The following PLA2G2F variants were observed in gnomAD, a reference collection of about 807,000 sequenced individuals.
The protein encoded by PLA2G2F is group IIF secretory phospholipase A2.
Under a neutral mutation model 15.9 loss-of-function variants are expected in PLA2G2F, and 17 were observed. The observed-to-expected ratio is 1.07, with a 90% CI of 0.73 to 1.60. The LOEUF (loss-of-function observed/expected upper bound fraction) is 1.60. PLA2G2F is among the 40% of genes most tolerant of loss of function. PLA2G2F has a pLI of 0.00. For synonymous variants in PLA2G2F, 119 were observed against 106.5 expected, an observed-to-expected ratio of 1.12 and a Z score of -0.72; for missense variants, 299 against 278.2, an observed-to-expected ratio of 1.07 and a Z score of -0.53.
At chr1:20,148,094 G>A in intron 4 of PLA2G2F, 96 bp from the exon 5 acceptor site, 2 of 1,021,504 alleles carry the variant, frequency 2.0e-6, no homozygotes, top group Non-Finnish European at 3.1e-6. Flanking sequence ...GGACCACTGG[G>A]CTCTCCAAGT....
chr1:20,145,411 AGCTGGGACTACAGGT>A (rs1314806771), intron 4 of PLA2G2F, among the ~76,000 whole-genome samples: 1 of 151,548 alleles, frequency 6.6e-6, no homozygotes, highest in Non-Finnish European at 1.5e-5. Flanking sequence ...CCTCCCAAGT[AGCTGGGACTACAGGT>A]GCATGCCACC....
chr1:20,147,140 T>C (rs142094121), intron 4 of PLA2G2F, among the ~76,000 whole-genome samples: 1 of 152,254 alleles, frequency 6.6e-6, no homozygotes, highest in African/African-American at 2.4e-5. Flanking sequence ...TCTCAAAGGG[T>C]AGCCCCTGAA....
rs2017661948 is a variant in PLA2G2F at position 20,148,497 on chromosome 1, GT to G, written c.*98del. Reference sequence around the variant, plus strand: ...TAGGAGCCAGGCCAGGAGCCTGAGGGTTGCTGGTTGCCTCCTCCCTGGAGCT... The same window carrying G: ...TAGGAGCCAGGCCAGGAGCCTGAGGGTGCTGGTTGCCTCCTCCCTGGAGCT... On this transcript the variant is annotated 3_prime_UTR_variant, in exon 5 of 5. Coordinates refer to ENST00000375102, the MANE Select transcript of PLA2G2F (RefSeq NM_022819.4). 1.9e-6 allele frequency: 2 copies of G among 1,029,208 alleles called. No homozygotes were observed. Among genetic ancestry groups the G allele is most frequent in the Non-Finnish European group, 1.4e-6 (1 of 696,324 alleles). The allele number at this position is 1,029,208 out of a possible 1,614,324, so 63.8% of individuals were successfully genotyped here.
chr1:20,139,427 C>T lies in PLA2G2F; in HGVS notation c.-1C>T, dbSNP rs1378339405. On this transcript the variant is annotated 5_prime_UTR_variant, in exon 1 of 5. Coordinates refer to ENST00000375102, the MANE Select transcript of PLA2G2F (RefSeq NM_022819.4). ...GTTGCTGGCCCCCCAGAACCCGCAA[C>T]ATGGCAGATGGGGCAAAGGCCAACC... The T allele has an allele frequency of 3.2e-6, 5 of 1,556,010 alleles. No homozygotes were observed. The South Asian group carries it at 5.9e-5, about 18-fold the overall frequency.
chr1:20,140,124 T>C, intron 1 of PLA2G2F, 42 bp from the exon 2 acceptor site: 2 of 1,605,760 alleles, frequency 1.2e-6, no homozygotes, highest in Non-Finnish European at 1.7e-6. Context: ...CTGCCAAGGG[T>C]GGAGGGGATG....
rs1282804958 is a variant in PLA2G2F, at chr1:20,143,572, C to G, written c.296C>G (p.Pro99Arg). 6.2e-7 allele frequency: 1 copy of G among 1,613,834 alleles called. No individual in the cohort carries two copies. Among genetic ancestry groups the G allele is most frequent in the Non-Finnish European group, 8.5e-7 (1 of 1,179,894 alleles). Reference protein sequence around the residue: ...CYCGLGGRGQPKDEVDWCCHA... With the variant: ...CYCGLGGRGQRKDEVDWCCHA... ...TGTGGGCTGGGGGGCCGTGGCCAGC[C>G]CAAGGATGAGGTGGACTGGTAGGTA... Residue 99 changes from proline to arginine, a missense_variant, in exon 3 of 5, where the codon CCC becomes CGC. By Grantham distance (103) the Pro-to-Arg change is moderately radical (BLOSUM62 -2). Coordinates refer to ENST00000375102, the MANE Select transcript of PLA2G2F (RefSeq NM_022819.4).
intron 2 of PLA2G2F, chr1:20,141,466 TAAAGG>T (rs1285294081): frequency 6.6e-6 from 1 of 152,530 alleles, no homozygotes; most frequent in African/African-American, 2.4e-5. Flanking sequence ...ATGTGGTGTG[TAAAGG>T]AGAGTGTGAG....
rs749318154 is a variant in PLA2G2F, at chr1:20,144,664, C to T, written c.399C>T (p.Ile133=). Residue 133 remains isoleucine (I), a synonymous_variant, in exon 4 of 5, where the codon ATC becomes ATT. Transcript: ENST00000375102. ...HPYVDHYDHT[I]ENNTEIVCSD... ...ATGTGGACCACTATGATCACACCAT[C>T]GAGAACAACACTGAGATAGTCTGCA... is the stretch of plus-strand genomic sequence containing the variant. The T allele has an allele frequency of 3.7e-6, 6 of 1,609,538 alleles. No individual in the cohort carries two copies. The South Asian group carries it at 4.4e-5, about 12-fold the overall frequency.
Position 20,150,007 on chromosome 1 carries a change from G to A in PLA2G2F, c.*1606G>A, listed in dbSNP as rs948314489. On this transcript the variant is annotated 3_prime_UTR_variant, in exon 5 of 5. Coordinates refer to ENST00000375102, the MANE Select transcript of PLA2G2F (RefSeq NM_022819.4). ...AGAAGGAGGCAGAAGGGACATGTAT[G>A]AAAAAAGGACAGGAAACCTGACCAG... The A allele has an allele frequency of 1.2e-4, 18 of 150,832 alleles. No homozygotes were observed. The highest frequency in any genetic ancestry group is 4.0e-4 in the African/African-American group (16 of 40,270). 9.3% of individuals were successfully genotyped at this position (150,832 alleles called of 1,614,324 possible). A position where few individuals can be genotyped will look rare whatever the true frequency, so the allele number is the denominator to read the frequency against.
chr1:20,143,492 G>A lies in PLA2G2F; in HGVS notation c.216G>A (p.Val72=). 6.2e-7 allele frequency: 1 copy of A among 1,614,076 alleles called. No homozygotes were observed. Among genetic ancestry groups the A allele is most frequent in the Non-Finnish European group, 8.5e-7 (1 of 1,179,974 alleles). The change falls in exon 3 of 5, where the codon GTG becomes GTA. Residue 72 remains valine, a synonymous_variant. Transcript: ENST00000375102. ...HGSLLNLKAM[V]EAVTGRSAIL... is the part of the protein sequence containing the mutation. ...GCCTGCTCAACCTGAAGGCCATGGT[G>A]GAGGCCGTCACAGGGAGGAGCGCCA...
intron 1 of PLA2G2F, among the ~76,000 whole-genome samples, 187 bp from the exon 2 acceptor site, chr1:20,139,979 G>T (rs935071007): frequency 3.3e-5 from 5 of 152,194 alleles, no homozygotes; most frequent in East Asian, 3.9e-4. Context: ...TCCTGGCTCT[G>T]CCATCTGGGG....
In PLA2G2F at chr1:20,148,687, G is replaced by A; in HGVS notation, c.*286G>A. 2.2e-6 allele frequency: 1 copy of A among 457,530 alleles called. No individual in the cohort carries two copies. The allele number at this position is 457,530 out of a possible 1,614,324, so 28.3% of individuals were successfully genotyped here. ...AGGGTGGCCGGGGAGACCTGAGAGA[G>A]AGGAGGAGGGGCCTCTGAGTGGGGC... On this transcript the variant is annotated 3_prime_UTR_variant, in exon 5 of 5. Coordinates refer to ENST00000375102, the MANE Select transcript of PLA2G2F (RefSeq NM_022819.4).
rs2017668354 is a variant in PLA2G2F at position 20,148,759 on chromosome 1, G to A, written c.*358G>A. ...AACTCCCCGGAGCCTTAGAAAGTCT[G>A]AGCCTTAGAAAGTCTGGGCCTGAGC... On this transcript the variant is annotated 3_prime_UTR_variant, in exon 5 of 5. Coordinates refer to ENST00000375102, the MANE Select transcript of PLA2G2F (RefSeq NM_022819.4). 1 of 261,842 alleles carries A rather than the reference G, an allele frequency of 3.8e-6. No homozygotes were observed. The highest frequency in any genetic ancestry group is 7.4e-6 in the Non-Finnish European group (1 of 135,796). 16.2% of individuals were successfully genotyped at this position (261,842 alleles called of 1,614,324 possible).
chr1:20,143,326 T>C, intron 2 of PLA2G2F, 120 bp from the exon 3 acceptor site: 2 of 1,325,070 alleles, frequency 1.5e-6, no homozygotes, highest in African/African-American at 1.5e-5. Flanking sequence ...GCTTTCTCCT[T>C]CCTTCTCCCA....
chr1:20,146,761 T>C (rs920290041), intron 4 of PLA2G2F, among the ~76,000 whole-genome samples: 1 of 152,200 alleles, frequency 6.6e-6, no homozygotes, highest in Admixed American at 6.5e-5. Flanking sequence ...TCTGTGGTCC[T>C]CATGTTCTGC....
At chr1:20,144,522 C>A in intron 3 of PLA2G2F, 58 bp from the exon 4 acceptor site, 2 of 1,226,784 alleles carry the variant, frequency 1.6e-6, no homozygotes, top group Non-Finnish European at 2.4e-6. Flanking sequence ...GAGGTCTCTG[C>A]TGGTGGGAGA....
At chr1:20,143,632 G>A (rs773640796) in intron 3 of PLA2G2F, 42 bp downstream of exon 3, 3 of 1,602,254 alleles carry the variant, frequency 1.9e-6, no homozygotes, top group African/African-American at 1.3e-5. Context: ...GGCCAAATGA[G>A]GACAGCTGAA....
At chr1:20,144,805 G>A (rs1270201069) in intron 4 of PLA2G2F, 116 bp downstream of exon 4, 43 of 883,550 alleles carry the variant, frequency 4.9e-5, no homozygotes, top group African/African-American at 4.0e-4. Flanking sequence ...AGCCGGGTGC[G>A]GTGGCTCATG....
At chr1:20,148,103 G>T in intron 4 of PLA2G2F, 87 bp from the exon 5 acceptor site, 7 of 1,142,758 alleles carry the variant, frequency 6.1e-6, no homozygotes, top group Non-Finnish European at 9.3e-6. Context: ...GGCTCTCCAA[G>T]TCTGTGTGCT....
Sources: allele counts gnomAD v4.1 joint callset (sites outside exome capture counted in the v4.1 genomes callset), GRCh38; gene constraint gnomAD v4.1.1; transcripts MANE v1.5; gene names NCBI Gene and HGNC (gene_info 2026-07-23, HGNC 2026-07-21).